TBX4: variants seen among roughly 807,000 people sequenced by gnomAD.
The protein encoded by TBX4 is T-box transcription factor 4, also known as T-box transcription factor TBX4.
Under a neutral mutation model 54.6 loss-of-function variants are expected in TBX4, and 13 were observed. That is an observed-to-expected ratio of 0.24 (90% CI 0.15 to 0.38). TBX4 has a LOEUF of 0.38. TBX4 is among the 10% of genes least tolerant of loss of function. The pLI, the probability that TBX4 is intolerant of heterozygous loss-of-function variation, is 1.00. For missense variants in TBX4, 631 were observed against 728.5 expected (o/e 0.87, Z 1.54); for synonymous variants, 314 against 306.7 (o/e 1.02, Z -0.25).
At position 61,474,185 on chromosome 17, in the gene TBX4, T is replaced by A. The variant is rs192523795; in HGVS notation, c.550-4442T>A. 3.3e-4 allele frequency among the ~76,000 whole-genome samples: 51 copies of A among 152,326 alleles called. No individual in the cohort carries two copies. The highest frequency in any genetic ancestry group is 1.2e-3 in the African/African-American group (50 of 41,576). ...ATAAAATTATGATGCAGGGTAAATC[T>A]GGTTTTAGTATCTGACAAAATGGAC... On this transcript the variant is annotated intron_variant, in intron 5 of 8. Transcript: ENST00000644296. The surrounding 1 kb of genome is among the most constrained non-coding windows in gnomAD (Gnocchi z 4.6).
chr17:61,453,514 G>T (rs1172225962), intron 1 of TBX4, among the ~76,000 whole-genome samples: 2 of 152,092 alleles, frequency 1.3e-5, no homozygotes, highest in Non-Finnish European at 2.9e-5. Context: ...AAGAATTGCT[G>T]GAGTAATATG....
Position 61,478,506 on chromosome 17 carries a change from C to A in TBX4, c.550-121C>A. 1 of 1,386,134 alleles carries A rather than the reference C, an allele frequency of 7.2e-7. No individual in the cohort carries two copies. 85.9% of individuals were successfully genotyped at this position (1,386,134 alleles called of 1,614,324 possible). ...GGGAGCTCCAGTCCTGGTCGGTAGGCCCCGGATCCTGGGCTTTGAGGAGAA... is the reference window on the plus strand; with the variant it reads ...GGGAGCTCCAGTCCTGGTCGGTAGGACCCGGATCCTGGGCTTTGAGGAGAA... On this transcript the variant is annotated intron_variant, in intron 5 of 8. Coordinates refer to ENST00000644296, the MANE Select transcript of TBX4 (RefSeq NM_001321120.2). This position sits in a 1 kb window ranked among gnomAD's most constrained non-coding sequence, Gnocchi z 7.4.
intron 5 of TBX4, among the ~76,000 whole-genome samples, chr17:61,467,862 T>C (rs2143826601): frequency 6.6e-6 from 1 of 152,358 alleles, no homozygotes; most frequent in Admixed American, 6.5e-5. Flanking sequence ...GCTGGGTAAC[T>C]CTGGACAATC....
chr17:61,472,897 A>C lies in TBX4; in HGVS notation c.549+5240A>C, dbSNP rs2060591269. 6.6e-6 allele frequency among the ~76,000 whole-genome samples: 1 copy of C among 151,864 alleles called. No individual in the cohort carries two copies. The highest frequency in any genetic ancestry group is 1.9e-4 in the East Asian group (1 of 5,154). On this transcript the variant is annotated intron_variant, in intron 5 of 8. Transcript: ENST00000644296. This position sits in a 1 kb window ranked among gnomAD's most constrained non-coding sequence, Gnocchi z 4.5. ...CCTTATTTCTGAACACTAAATCCCT[A>C]TATGAATGTGTGCCTGTTCACACGC...
intron 3 of TBX4, among the ~76,000 whole-genome samples, chr17:61,458,717 G>A (rs2060472585): frequency 6.6e-6 from 1 of 152,196 alleles, no homozygotes; most frequent in Non-Finnish European, 1.5e-5. Flanking sequence ...TACATTGTAT[G>A]TAAAGCACCA....
Position 61,483,326 on chromosome 17 carries a change from G to A in TBX4, c.1451G>A (p.Arg484Gln), listed in dbSNP as rs139609877. 255 of 1,610,458 alleles carry A rather than the reference G, an allele frequency of 1.6e-4. No homozygotes were observed. The highest frequency in any genetic ancestry group is 2.0e-4 in the Non-Finnish European group (239 of 1,177,130). The change falls in exon 9 of 9, where the codon CGA becomes CAA. Residue 484 changes from arginine (R) to glutamine (Q), a missense_variant. Transcript: ENST00000644296. This position sits in a 1 kb window ranked among gnomAD's most constrained non-coding sequence, Gnocchi z 6.6. ...AATCAGCTCTCCCAGTCTCAGGTCCGAGAGCGGGGGCCCAGCGCCTCATTC... is the reference window on the plus strand; with the variant it reads ...AATCAGCTCTCCCAGTCTCAGGTCCAAGAGCGGGGGCCCAGCGCCTCATTC... ...VYNQLSQSQV[R>Q]ERGPSASFPR...
At position 61,456,468 on chromosome 17, in the gene TBX4, G is replaced by GT; in HGVS notation, c.-3-18dup. 3 of 1,559,768 alleles carry GT rather than the reference G, an allele frequency of 1.9e-6. No homozygotes were observed. The highest frequency in any genetic ancestry group is 2.6e-6 in the Non-Finnish European group (3 of 1,152,082). On this transcript the variant is annotated intron_variant, in intron 1 of 8. Transcript: ENST00000644296. ...GAGTGTGGACCTGGGCGAGTGACTCGTTGTGTGCTGTGCCCGCAGGAGATG... is the reference window on the plus strand; with the variant it reads ...GAGTGTGGACCTGGGCGAGTGACTCGTTTGTGTGCTGTGCCCGCAGGAGATG...
intron 3 of TBX4, among the ~76,000 whole-genome samples, chr17:61,458,949 G>T (rs867187600): frequency 7.2e-5 from 11 of 152,252 alleles, no homozygotes; most frequent in Admixed American, 6.5e-4. Context: ...CTGCTCCCTG[G>T]CAGGCCTTAT....
Position 61,474,847 on chromosome 17 carries a change from G to A in TBX4, c.550-3780G>A, listed in dbSNP as rs942050163. Among the ~76,000 whole-genome samples, 5 of 152,212 alleles carry A rather than the reference G, an allele frequency of 3.3e-5. No homozygotes were observed. The highest frequency in any genetic ancestry group is 1.2e-4 in the African/African-American group (5 of 41,450). On this transcript the variant is annotated intron_variant, in intron 5 of 8. Transcript: ENST00000644296. This position sits in a 1 kb window ranked among gnomAD's most constrained non-coding sequence, Gnocchi z 4.6. ...TTGGTTTCACATTCTCCCGGCTGAT[G>A]GGACTAAGGCTCAAGTTTATACTTG...
In TBX4 at chr17:61,478,507, C is replaced by T; in HGVS notation, c.550-120C>T. The T allele has an allele frequency of 7.1e-7, 1 of 1,417,436 alleles. No individual in the cohort carries two copies. The highest frequency in any genetic ancestry group is 9.9e-7 in the Non-Finnish European group (1 of 1,012,874). The allele number at this position is 1,417,436 out of a possible 1,614,324, so 87.8% of individuals were successfully genotyped here. On this transcript the variant is annotated intron_variant, in intron 5 of 8. Transcript: ENST00000644296. This position sits in a 1 kb window ranked among gnomAD's most constrained non-coding sequence, Gnocchi z 7.4. ...GGAGCTCCAGTCCTGGTCGGTAGGC[C>T]CCGGATCCTGGGCTTTGAGGAGAAT... is the stretch of plus-strand genomic sequence containing the variant.
In TBX4 at chr17:61,476,706, A is replaced by G. The variant is rs757677343; in HGVS notation, c.550-1921A>G. ...TGCAGGACCTGGTTTGGGGTTTGGG[A>G]GTTATGTACTTGCCTCGTGAAGGTC... On this transcript the variant is annotated intron_variant, in intron 5 of 8. Transcript: ENST00000644296. The surrounding 1 kb of genome is among the most constrained non-coding windows in gnomAD (Gnocchi z 6.5). Among the ~76,000 whole-genome samples, 1 of 152,078 alleles carries G rather than the reference A, an allele frequency of 6.6e-6. No homozygotes were observed. Among genetic ancestry groups the G allele is most frequent in the Non-Finnish European group, 1.5e-5 (1 of 67,990 alleles).
chr17:61,473,693 G>A (rs972308733), intron 5 of TBX4, among the ~76,000 whole-genome samples: 10 of 152,234 alleles, frequency 6.6e-5, no homozygotes, highest in African/African-American at 1.9e-4. Flanking sequence ...GCTGTCTGAT[G>A]CTGGGCAAAT....
rs2191200 is a variant in TBX4 at position 61,472,604 on chromosome 17, C to T, written c.549+4947C>T. Among the ~76,000 whole-genome samples, 3,073 of 152,172 alleles carry T rather than the reference C, an allele frequency of 0.02. 101 individuals are homozygous for T. The highest frequency in any genetic ancestry group is 0.07 in the African/African-American group (2,891 of 41,490). The stretch of plus-strand genomic sequence containing the variant: ...TTTGCCTGTAGTGATATTCCCACAC[C>T]GATGCTTTTGATTGAATTGACCAGT... On this transcript the variant is annotated intron_variant, in intron 5 of 8. Coordinates refer to ENST00000644296, the MANE Select transcript of TBX4 (RefSeq NM_001321120.2). This position sits in a 1 kb window ranked among gnomAD's most constrained non-coding sequence, Gnocchi z 4.5.
At position 61,479,745 on chromosome 17, in the gene TBX4, G is replaced by T; in HGVS notation, c.703-136G>T. On this transcript the variant is annotated intron_variant, in intron 6 of 8. Coordinates refer to ENST00000644296, the MANE Select transcript of TBX4 (RefSeq NM_001321120.2). This position sits in a 1 kb window ranked among gnomAD's most constrained non-coding sequence, Gnocchi z 6.1. ...AGTCCCACCCTCCTCCCCAAGGAGGGTAGTGAGAAGCGGTGAGGCTGGAGA... is the reference window on the plus strand; with the variant it reads ...AGTCCCACCCTCCTCCCCAAGGAGGTTAGTGAGAAGCGGTGAGGCTGGAGA... 1.1e-6 allele frequency: 1 copy of T among 890,730 alleles called. No individual in the cohort carries two copies. The highest frequency in any genetic ancestry group is 1.9e-6 in the Non-Finnish European group (1 of 538,882). The allele number at this position is 890,730 out of a possible 1,614,324, so 55.2% of individuals were successfully genotyped here.
At chr17:61,458,204 A>C (rs1332461104) in intron 3 of TBX4, among the ~76,000 whole-genome samples, 2 of 149,354 alleles carry the variant, frequency 1.3e-5, no homozygotes, top group East Asian at 4.0e-4. Context: ...CTGCCAGAAA[A>C]GGATGATTTA....
intron 1 of TBX4, among the ~76,000 whole-genome samples, chr17:61,455,449 A>G (rs2060440448): frequency 6.6e-6 from 1 of 152,232 alleles, no homozygotes; most frequent in Non-Finnish European, 1.5e-5. Flanking sequence ...CAAGCGGGGC[A>G]CACCCTTAAG....
rs897868015 is a variant in TBX4, at chr17:61,461,662, C to T, written c.281+4031C>T. Reference sequence around the variant, plus strand: ...TTAAGGGTGCAGCTTTACAGACTTGCACAAAATAAACACACTCGTGTAACC... The same window carrying T: ...TTAAGGGTGCAGCTTTACAGACTTGTACAAAATAAACACACTCGTGTAACC... On this transcript the variant is annotated intron_variant, in intron 3 of 8. Transcript: ENST00000644296. The surrounding 1 kb of genome is among the most constrained non-coding windows in gnomAD (Gnocchi z 5.1). Among the ~76,000 whole-genome samples the T allele has an allele frequency of 6.6e-6, 1 of 152,122 alleles. No individual in the cohort carries two copies. The highest frequency in any genetic ancestry group is 2.4e-5 in the African/African-American group (1 of 41,422).
chr17:61,464,702 C>A lies in TBX4; in HGVS notation c.282-1117C>A, dbSNP rs2060522719. ...GAGGATCGTGGGAAGTTCCGTTCTT[C>A]CCTCTGGTGAAGTCAGGGACCTAGT... On this transcript the variant is annotated intron_variant, in intron 3 of 8. Transcript: ENST00000644296. This position sits in a 1 kb window ranked among gnomAD's most constrained non-coding sequence, Gnocchi z 5.8. Among the ~76,000 whole-genome samples, 1 of 152,126 alleles carries A rather than the reference C, an allele frequency of 6.6e-6. No homozygotes were observed. The highest frequency in any genetic ancestry group is 1.5e-5 in the Non-Finnish European group (1 of 68,026).
intron 8 of TBX4, among the ~76,000 whole-genome samples, chr17:61,482,074 G>A (rs1165933181): frequency 6.6e-6 from 1 of 152,168 alleles, no homozygotes; most frequent in Non-Finnish European, 1.5e-5. Flanking sequence ...GCCCGGATGA[G>A]TGTTCTTAAA....
Sources: allele counts gnomAD v4.1 joint callset (sites outside exome capture counted in the v4.1 genomes callset), GRCh38; gene constraint gnomAD v4.1.1; non-coding constraint Gnocchi (gnomAD v3.1); transcripts MANE v1.5; gene names NCBI Gene and HGNC (gene_info 2026-07-23, HGNC 2026-07-21).